TENT2: variants seen among roughly 807,000 people sequenced by gnomAD.
The protein encoded by TENT2 is poly(A) RNA polymerase GLD2.
In TENT2, 44 loss-of-function variants were observed where a neutral mutation model predicts 72.2. The observed-to-expected ratio is 0.61, with a 90% CI of 0.48 to 0.78. The LOEUF (loss-of-function observed/expected upper bound fraction) is 0.78. TENT2 is among the 30% of genes least tolerant of loss of function. The pLI is 0.00. For synonymous variants in TENT2, 212 were observed against 192.5 expected (o/e 1.10, Z -0.84); for missense variants, 541 against 569.6 (o/e 0.95, Z 0.51).
At position 79,632,806 on chromosome 5, in the gene TENT2, A is replaced by G. The variant is rs571620383; in HGVS notation, c.466-8045A>G. ...TCAGAAAAATTCAAAAACCACTGAGATATAAATTTACATAGAACACCTAAG... is the reference window on the plus strand; with the variant it reads ...TCAGAAAAATTCAAAAACCACTGAGGTATAAATTTACATAGAACACCTAAG... On this transcript the variant is annotated intron_variant, in intron 4 of 14. Coordinates refer to ENST00000453514, the MANE Select transcript of TENT2 (RefSeq NM_001114394.3). 6.6e-5 allele frequency among the ~76,000 whole-genome samples: 10 copies of G among 152,346 alleles called. No individual in the cohort carries two copies. In the East Asian group the frequency reaches 1.9e-3, roughly 29 times the overall value.
Position 79,623,311 on chromosome 5 carries a change from CCCA to C in TENT2, c.291_293del (p.His97del), listed in dbSNP as rs1766657995. The stretch of plus-strand genomic sequence containing the variant: ...GGTAAACGGCAACGTTTCCATTCAC[CCCA>C]CCAAGAGCCAACTGTAGTTAACCAG... On this transcript the variant is annotated inframe_deletion, in exon 4 of 15. Coordinates refer to ENST00000453514, the MANE Select transcript of TENT2 (RefSeq NM_001114394.3). 3 of 1,612,880 alleles carry C rather than the reference CCCA, an allele frequency of 1.9e-6. No individual in the cohort carries two copies. The highest frequency in any genetic ancestry group is 2.5e-6 in the Non-Finnish European group (3 of 1,179,546).
intron 4 of TENT2, among the ~76,000 whole-genome samples, chr5:79,634,447 C>A (rs545551653): frequency 6.6e-6 from 1 of 151,930 alleles, no homozygotes; most frequent in African/African-American, 2.4e-5. Context: ...AGTGATTCTC[C>A]GGCCTCAGCC....
chr5:79,615,786 C>T (rs1759308903), intron 1 of TENT2, among the ~76,000 whole-genome samples: 1 of 150,978 alleles, frequency 6.6e-6, no homozygotes, highest in South Asian at 2.1e-4. Context: ...CTCCTCGGCT[C>T]ACTCCAACCT....
At chr5:79,643,750 C>T (rs1786336840) in intron 7 of TENT2, among the ~76,000 whole-genome samples, 1 of 151,860 alleles carries the variant, frequency 6.6e-6, no homozygotes, top group South Asian at 2.1e-4. Context: ...CTATTTGAAT[C>T]AAAATATTAA....
At chr5:79,626,708 C>T (rs1770328445) in intron 4 of TENT2, among the ~76,000 whole-genome samples, 1 of 151,740 alleles carries the variant, frequency 6.6e-6, no homozygotes, top group African/African-American at 2.4e-5. Flanking sequence ...GTGATACTCC[C>T]TCATTGGCCT....
In TENT2 at chr5:79,685,223, A is replaced by G; in HGVS notation, c.1405A>G (p.Arg469Gly). Residue 469 changes from arginine to glycine, a missense_variant, in exon 15 of 15, where the codon AGA (arginine) becomes GGA (glycine). Transcript: ENST00000453514. Reference sequence around the variant, plus strand: ...GTCATGGCACAGATTGAAAAACAAGAGAGATTTGAACAGTATACTACCTGT... The same window carrying G: ...GTCATGGCACAGATTGAAAAACAAGGGAGATTTGAACAGTATACTACCTGT... ...LKSWHRLKNK[R>G]DLNSILPVRA... is the part of the protein sequence containing the mutation. 6.2e-7 allele frequency: 1 copy of G among 1,607,548 alleles called. No individual in the cohort carries two copies. Among genetic ancestry groups the G allele is most frequent in the Non-Finnish European group, 8.5e-7 (1 of 1,178,320 alleles).
intron 11 of TENT2, among the ~76,000 whole-genome samples, chr5:79,659,554 A>G (rs1253846458): frequency 1.3e-4 from 6 of 47,278 alleles, no homozygotes; most frequent in Non-Finnish European, 2.0e-4. Context: ...AAAAAAAAAA[A>G]TGTATATATA....
intron 1 of TENT2, chr5:79,615,211 G>A (rs1272146591): frequency 6.6e-6 from 1 of 152,198 alleles, no homozygotes; most frequent in Non-Finnish European, 1.5e-5. Flanking sequence ...TGGTAGAGTA[G>A]TTCTGAGCCA....
chr5:79,657,128 C>A, intron 11 of TENT2, 127 bp downstream of exon 11: 1 of 568,162 alleles, frequency 1.8e-6, no homozygotes, highest in Non-Finnish European at 2.9e-6. Flanking sequence ...CTATATATAC[C>A]AAGAGAACAT....
intron 12 of TENT2, among the ~76,000 whole-genome samples, chr5:79,676,760 C>T (rs1181806769): frequency 1.3e-5 from 2 of 152,140 alleles, no homozygotes; most frequent in Admixed American, 6.5e-5. Context: ...AGCCCCATAT[C>T]TGTTCTTCTT....
chr5:79,622,488 A>G (rs377449790), intron 3 of TENT2, among the ~76,000 whole-genome samples: 36 of 152,190 alleles, frequency 2.4e-4, no homozygotes, highest in African/African-American at 7.2e-4. Context: ...AAACCTCCAG[A>G]AAAAGAATAA....
intron 10 of TENT2, among the ~76,000 whole-genome samples, chr5:79,649,906 A>T (rs771944231): frequency 1.7e-4 from 26 of 152,260 alleles, no homozygotes; most frequent in Non-Finnish European, 3.1e-4. Flanking sequence ...AGAAATAAAC[A>T]TTAAGCTGCT....
chr5:79,679,806 T>A (rs1023661065), intron 13 of TENT2, 136 bp downstream of exon 13: 2 of 480,356 alleles, frequency 4.2e-6, no homozygotes, highest in Admixed American at 4.4e-5. Flanking sequence ...AAATTTTTAA[T>A]TTTAAAAAGT....
intron 3 of TENT2, among the ~76,000 whole-genome samples, chr5:79,621,782 C>A (rs58248350): frequency 0.2 from 30,075 of 146,810 alleles, 4,321 homozygotes; most frequent in African/African-American, 0.41. Flanking sequence ...ACAAAAAAAA[C>A]AAAACTCCAT....
chr5:79,651,578 C>G (rs942631828), intron 10 of TENT2, among the ~76,000 whole-genome samples: 2 of 151,966 alleles, frequency 1.3e-5, no homozygotes, highest in Non-Finnish European at 2.9e-5. Context: ...ACACCCTTTC[C>G]ACTTTTGGCA....
chr5:79,652,695 G>C (rs1795074356), intron 10 of TENT2, among the ~76,000 whole-genome samples: 1 of 151,884 alleles, frequency 6.6e-6, no homozygotes, highest in Admixed American at 6.6e-5. Flanking sequence ...GACCAGTCTT[G>C]AATATATACT....
chr5:79,634,654 A>T (rs1328579479), intron 4 of TENT2, among the ~76,000 whole-genome samples: 4 of 152,086 alleles, frequency 2.6e-5, no homozygotes, highest in African/African-American at 4.8e-5. Flanking sequence ...TATTTATTTT[A>T]ATATTTTAGG....
intron 8 of TENT2, among the ~76,000 whole-genome samples, chr5:79,645,839 CCACAAACA>C (rs58510718): frequency 0.2 from 30,633 of 151,586 alleles, 4,521 homozygotes; most frequent in African/African-American, 0.42. Flanking sequence ...GAAATTGTGC[CCACAAACA>C]CACACACACA....
chr5:79,658,707 A>G (rs1799724472), intron 11 of TENT2, among the ~76,000 whole-genome samples: 1 of 152,202 alleles, frequency 6.6e-6, no homozygotes, highest in Admixed American at 6.5e-5. Context: ...CAGCAGTCTC[A>G]CTTAAAACCC....
Sources: allele counts gnomAD v4.1 joint callset (sites outside exome capture counted in the v4.1 genomes callset), GRCh38; gene constraint gnomAD v4.1.1; transcripts MANE v1.5; gene names NCBI Gene and HGNC (gene_info 2026-07-23, HGNC 2026-07-21).